ZNF17: variants seen among roughly 807,000 people sequenced by gnomAD.
The protein encoded by ZNF17 is zinc finger protein 17 (HPF3, KOX 10).
Under a neutral mutation model 7.7 loss-of-function variants are expected in ZNF17, and 4 were observed. The ratio of observed to expected loss-of-function variants is 0.52; its 90% CI spans 0.26 to 1.20. The LOEUF is 1.20. ZNF17 is among the 50% of genes most tolerant of loss of function. The pLI, the probability that ZNF17 is intolerant of heterozygous loss-of-function variation, is 0.14. For synonymous variants in ZNF17, 249 were observed against 258.8 expected (o/e 0.96, Z 0.36); for missense variants, 738 against 799.5 (o/e 0.92, Z 0.93).
chr19:57,421,582 C>T lies in ZNF17; in HGVS notation c.*101C>T, dbSNP rs2088852600. 2.4e-5 allele frequency: 31 copies of T among 1,309,916 alleles called. No individual in the cohort carries two copies. Among genetic ancestry groups the T allele is most frequent in the Non-Finnish European group, 3.1e-5 (30 of 961,674 alleles). The allele number at this position is 1,309,916 out of a possible 1,614,324, so 81.1% of individuals were successfully genotyped here. On this transcript the variant is annotated 3_prime_UTR_variant, in exon 4 of 4. Transcript: ENST00000307658. ...TTAAAAAAAGTATTCTTGTAGAATA[C>T]AGATAACATAAAATCTAACATCTTA...
At chr19:57,419,490 T>C in intron 3 of ZNF17, 145 bp from the exon 4 acceptor site, 1 of 847,878 alleles carries the variant, frequency 1.2e-6, no homozygotes, top group Non-Finnish European at 1.8e-6. Flanking sequence ...TTCTGCCCAG[T>C]AGGCTTTCCT....
chr19:57,413,758 C>T, intron 2 of ZNF17, 122 bp downstream of exon 2: 1 of 1,215,710 alleles, frequency 8.2e-7, no homozygotes, highest in Non-Finnish European at 1.2e-6. Context: ...CCAAGGAGAG[C>T]CTGTAGTTCC....
In ZNF17 at chr19:57,420,329, T is replaced by G; in HGVS notation, c.843T>G (p.Cys281Trp). Reference protein sequence around the residue: ...TGERPYECSECGKAFLRKSHL... With the variant: ...TGERPYECSEWGKAFLRKSHL... ...AAAGGCCTTATGAGTGCAGTGAATGTGGGAAAGCTTTTCTTAGAAAGTCTC... is the reference window on the plus strand; with the variant it reads ...AAAGGCCTTATGAGTGCAGTGAATGGGGGAAAGCTTTTCTTAGAAAGTCTC... Residue 281 changes from cysteine to tryptophan, a missense_variant, in exon 4 of 4, where the codon TGT becomes TGG. Transcript: ENST00000307658. 6.2e-7 allele frequency: 1 copy of G among 1,614,158 alleles called. No individual in the cohort carries two copies. Among genetic ancestry groups the G allele is most frequent in the Non-Finnish European group, 8.5e-7 (1 of 1,180,016 alleles).
At chr19:57,415,866 T>C (rs928117472) in intron 2 of ZNF17, among the ~76,000 whole-genome samples, 1 of 152,138 alleles carries the variant, frequency 6.6e-6, no homozygotes, top group Admixed American at 6.5e-5. Context: ...ATATTGGTTG[T>C]ACCTGGGTAG....
intron 2 of ZNF17, among the ~76,000 whole-genome samples, chr19:57,415,777 C>T (rs1012987352): frequency 4.6e-5 from 7 of 152,064 alleles, no homozygotes; most frequent in African/African-American, 1.7e-4. Flanking sequence ...TGAGGCATCT[C>T]CACAAAAGAG....
In ZNF17 at chr19:57,413,585, T is replaced by C; in HGVS notation, c.-20-11T>C. Reference sequence around the variant, plus strand: ...GCTGTCTTAATCCTCATGGCCTGCCTCTTCCCACAGGGTTCATAGCAGTGG... The same window carrying C: ...GCTGTCTTAATCCTCATGGCCTGCCCCTTCCCACAGGGTTCATAGCAGTGG... On this transcript the variant is annotated splice_polypyrimidine_tract_variant and intron_variant, in intron 1 of 3. Coordinates refer to ENST00000307658, the MANE Select transcript of ZNF17 (RefSeq NM_001330617.2). 6.5e-7 allele frequency: 1 copy of C among 1,535,884 alleles called. No homozygotes were observed. The highest frequency in any genetic ancestry group is 8.7e-7 in the Non-Finnish European group (1 of 1,146,912).
At chr19:57,416,102 G>A (rs2088809811) in intron 2 of ZNF17, among the ~76,000 whole-genome samples, 1 of 152,134 alleles carries the variant, frequency 6.6e-6, no homozygotes, top group Non-Finnish European at 1.5e-5. Context: ...TGTGGGTTTG[G>A]AAAGCTGAGG....
At chr19:57,416,447 G>C (rs1048387946) in intron 2 of ZNF17, among the ~76,000 whole-genome samples, 1 of 152,118 alleles carries the variant, frequency 6.6e-6, no homozygotes, top group South Asian at 2.1e-4. Context: ...GGCAAGATCT[G>C]GGTGACTCTA....
chr19:57,420,694 T>A lies in ZNF17; in HGVS notation c.1208T>A (p.Leu403His), dbSNP rs750570018. 3 of 1,614,038 alleles carry A rather than the reference T, an allele frequency of 1.9e-6. No individual in the cohort carries two copies. The Admixed American group carries it at 5.0e-5, about 27-fold the overall frequency. The change falls in exon 4 of 4, where the codon CTC (leucine) becomes CAC (histidine). Residue 403 changes from leucine to histidine, a missense_variant. Around this residue, in one of 3 missense-constraint regions of ZNF17, gnomAD observed 616 missense variants for 663.9 expected, o/e 0.93. Coordinates refer to ENST00000307658, the MANE Select transcript of ZNF17 (RefSeq NM_001330617.2). ...AAATTCTTTAGATACCGTTCCACAC[T>A]CATTAGACATCAGAAAGTTCACACT... Reference protein sequence around the residue: ...CGKFFRYRSTLIRHQKVHTGE... With the variant: ...CGKFFRYRSTHIRHQKVHTGE...
chr19:57,411,352 GC>G lies in ZNF17; in HGVS notation c.-71del. ...CAGCGTCCAGGTCACTGCCGCTCCC[GC>G]CCCGCTCTTCCCTGGCTGTGCTGGC... is the stretch of plus-strand genomic sequence containing the variant. On this transcript the variant is annotated 5_prime_UTR_variant, in exon 1 of 4. Coordinates refer to ENST00000307658, the MANE Select transcript of ZNF17 (RefSeq NM_001330617.2). 1.2e-6 allele frequency: 2 copies of G among 1,610,194 alleles called. No homozygotes were observed. Among genetic ancestry groups the G allele is most frequent in the East Asian group, 2.2e-5 (1 of 44,808 alleles).
chr19:57,421,412 C>T lies in ZNF17; in HGVS notation c.1926C>T (p.Cys642=). The change falls in exon 4 of 4, where the codon TGC becomes TGT. Residue 642 remains cysteine (C), a synonymous_variant. Coordinates refer to ENST00000307658, the MANE Select transcript of ZNF17 (RefSeq NM_001330617.2). ...ACACTGGAGAGAGACCTTATCAGTG[C>T]AGTGAATGTGGAAGAGTCTTTAACC... ...RIHTGERPYQ[C]SECGRVFNQN... is the part of the protein sequence containing the mutation. 6.2e-7 allele frequency: 1 copy of T among 1,614,044 alleles called. No individual in the cohort carries two copies. The highest frequency in any genetic ancestry group is 8.5e-7 in the Non-Finnish European group (1 of 1,179,988).
chr19:57,418,108 C>T, intron 3 of ZNF17, 70 bp downstream of exon 3: 1 of 1,557,910 alleles, frequency 6.4e-7, no homozygotes, highest in South Asian at 1.2e-5. Context: ...CTTGGCATCT[C>T]CGTCTCACAC....
chr19:57,412,338 C>T (rs542228016), intron 1 of ZNF17, among the ~76,000 whole-genome samples: 2 of 152,288 alleles, frequency 1.3e-5, no homozygotes, highest in South Asian at 2.1e-4. Context: ...CTCCAGCAAG[C>T]TTCCAGCAAC....
Position 57,420,742 on chromosome 19 carries a change from G to A in ZNF17, c.1256G>A (p.Ser419Asn). The A allele has an allele frequency of 5.6e-6, 9 of 1,614,144 alleles. No homozygotes were observed. The highest frequency in any genetic ancestry group is 7.6e-6 in the Non-Finnish European group (9 of 1,179,994). The change falls in exon 4 of 4, where the codon AGT becomes AAT. Residue 419 changes from serine (S) to asparagine (N), a missense_variant. Transcript: ENST00000307658. ...ACTGGAGAAAAGCCTTATGAGTGTA[G>A]TGAATGTGGGAAGTTCTTTATGGAC... ...VHTGEKPYEC[S>N]ECGKFFMDTS...
At position 57,411,183 on chromosome 19, in the gene ZNF17, A is replaced by G. The variant is rs1011178409; in HGVS notation, c.-244A>G. 12 of 639,160 alleles carry G rather than the reference A, an allele frequency of 1.9e-5. No individual in the cohort carries two copies. The highest frequency in any genetic ancestry group is 2.8e-5 in the Non-Finnish European group (11 of 391,964). 39.6% of individuals were successfully genotyped at this position (639,160 alleles called of 1,614,324 possible). A position where few individuals can be genotyped will look rare whatever the true frequency, so the allele number is the denominator to read the frequency against. On this transcript the variant is annotated 5_prime_UTR_variant, in exon 1 of 4. Coordinates refer to ENST00000307658, the MANE Select transcript of ZNF17 (RefSeq NM_001330617.2). ...CCTGCAACGCCTCCTGGGGTTGTCA[A>G]TATGGCTGCGTTGGGATCTGTTCAC...
At position 57,420,793 on chromosome 19, in the gene ZNF17, G is replaced by T; in HGVS notation, c.1307G>T (p.Arg436Ile). ...MDTSTLIIHQ[R>I]VHTGEKPYEC... ...ACTTCCACACTCATTATTCATCAGA[G>T]AGTTCATACTGGAGAAAAGCCTTAT... Residue 436 changes from arginine to isoleucine, a missense_variant, in exon 4 of 4, where the codon AGA (arginine) becomes ATA (isoleucine). Transcript: ENST00000307658. The T allele has an allele frequency of 6.2e-7, 1 of 1,614,120 alleles. No homozygotes were observed. The highest frequency in any genetic ancestry group is 8.5e-7 in the Non-Finnish European group (1 of 1,180,008).
Position 57,421,590 on chromosome 19 carries a change from A to G in ZNF17, c.*109A>G. On this transcript the variant is annotated 3_prime_UTR_variant, in exon 4 of 4. Transcript: ENST00000307658. Reference sequence around the variant, plus strand: ...AGTATTCTTGTAGAATACAGATAACATAAAATCTAACATCTTAACCATGTT... The same window carrying G: ...AGTATTCTTGTAGAATACAGATAACGTAAAATCTAACATCTTAACCATGTT... 8.0e-7 allele frequency: 1 copy of G among 1,249,982 alleles called. No individual in the cohort carries two copies. The highest frequency in any genetic ancestry group is 1.1e-6 in the Non-Finnish European group (1 of 911,516). 77.4% of individuals were successfully genotyped at this position (1,249,982 alleles called of 1,614,324 possible).
chr19:57,412,636 G>A (rs2088785422), intron 1 of ZNF17, among the ~76,000 whole-genome samples: 1 of 151,848 alleles, frequency 6.6e-6, no homozygotes, highest in Non-Finnish European at 1.5e-5. Context: ...AGTAGAGACG[G>A]GGTTTCACCG....
intron 1 of ZNF17, among the ~76,000 whole-genome samples, chr19:57,412,078 G>A (rs931512161): frequency 6.6e-6 from 1 of 152,162 alleles, no homozygotes; most frequent in Non-Finnish European, 1.5e-5. Flanking sequence ...CCATAAGCCT[G>A]ACGCTACCTT....
Sources: gnomAD v4.1 joint callset for allele counts (sites outside exome capture counted in the v4.1 genomes callset) on GRCh38, gnomAD v4.1.1 for gene constraint, gnomAD v4.1.1 regional missense constraint, MANE v1.5 for transcripts, NCBI Gene and HGNC (gene_info 2026-07-23, HGNC 2026-07-21) for gene names.